LRP1B: variants seen among roughly 807,000 people sequenced by gnomAD.
The protein encoded by LRP1B is low-density lipoprotein receptor-related protein 1B.
In LRP1B, 217 loss-of-function variants were observed where a neutral mutation model predicts 556.6. That is an observed-to-expected ratio of 0.39 (90% CI 0.35 to 0.44). The LOEUF is 0.44. Among genes scored for constraint, LRP1B ranks in the 20% least tolerant of loss-of-function variants. LRP1B has a pLI of 1.00. For missense variants in LRP1B, 5,053 were observed against 5,620.8 expected, an observed-to-expected ratio of 0.90 and a Z score of 3.23; for synonymous variants, 2,047 against 1,865.8, an observed-to-expected ratio of 1.10 and a Z score of -2.50.
At chr2:141,406,998 T>G (rs551835979) in intron 3 of LRP1B, among the ~76,000 whole-genome samples, 12 of 152,238 alleles carry the variant, frequency 7.9e-5, no homozygotes, top group African/African-American at 2.6e-4. Context: ...GAAATCTTTT[T>G]CAAAAAGGAT....
chr2:142,015,200 A>G (rs1285368372), intron 1 of LRP1B, among the ~76,000 whole-genome samples: 1 of 152,116 alleles, frequency 6.6e-6, no homozygotes, highest in Non-Finnish European at 1.5e-5. Context: ...AAGAGTAAGT[A>G]TGTCCCATTG....
At chr2:140,372,016 A>G (rs1683021922) in intron 69 of LRP1B, among the ~76,000 whole-genome samples, 1 of 152,072 alleles carries the variant, frequency 6.6e-6, no homozygotes, top group Non-Finnish European at 1.5e-5. Flanking sequence ...TACCCAGTCT[A>G]ATTAATTGAC....
At chr2:140,814,286 C>T (rs1235347390) in intron 31 of LRP1B, among the ~76,000 whole-genome samples, 1 of 152,122 alleles carries the variant, frequency 6.6e-6, no homozygotes, top group South Asian at 2.1e-4. Flanking sequence ...CCAACATAAA[C>T]AGTTTCAACC....
intron 66 of LRP1B, among the ~76,000 whole-genome samples, chr2:140,414,083 C>T (rs1200653763): frequency 6.6e-6 from 1 of 152,014 alleles, no homozygotes; most frequent in Non-Finnish European, 1.5e-5. Context: ...TGTCCAGTTA[C>T]TGGTTTATTT....
chr2:141,360,196 C>T (rs188899557), intron 3 of LRP1B, among the ~76,000 whole-genome samples: 1 of 152,256 alleles, frequency 6.6e-6, no homozygotes, highest in African/African-American at 2.4e-5. Flanking sequence ...AGTATTTCAT[C>T]TCTGATGTGG....
intron 1 of LRP1B, among the ~76,000 whole-genome samples, chr2:142,006,261 A>G (rs1012093164): frequency 2.0e-5 from 3 of 152,192 alleles, no homozygotes; most frequent in Non-Finnish European, 4.4e-5. Context: ...CCAATTTAAC[A>G]TTAATTTTTA....
chr2:141,713,788 G>A (rs570809843), intron 2 of LRP1B, among the ~76,000 whole-genome samples: 5 of 152,040 alleles, frequency 3.3e-5, no homozygotes, highest in Non-Finnish European at 7.4e-5. Context: ...TGAATCTTTG[G>A]AAAATATTTG....
chr2:141,416,392 T>G (rs1329670046), intron 3 of LRP1B, among the ~76,000 whole-genome samples: 2 of 151,564 alleles, frequency 1.3e-5, no homozygotes, highest in Admixed American at 6.6e-5. Flanking sequence ...AGGCAAGACA[T>G]AAGCTGCTTA....
chr2:140,919,188 C>A (rs1259101849), intron 21 of LRP1B, among the ~76,000 whole-genome samples: 1 of 152,044 alleles, frequency 6.6e-6, no homozygotes, highest in Non-Finnish European at 1.5e-5. Flanking sequence ...TCTTGGATCA[C>A]AACCTTCATT....
chr2:140,642,437 T>G (rs557081606), intron 41 of LRP1B, among the ~76,000 whole-genome samples: 1 of 152,248 alleles, frequency 6.6e-6, no homozygotes, highest in South Asian at 2.1e-4. Context: ...TAAATAAAGA[T>G]GGGGTCCTGG....
At chr2:140,294,926 G>C (rs1040408528) in intron 84 of LRP1B, among the ~76,000 whole-genome samples, 1 of 152,166 alleles carries the variant, frequency 6.6e-6, no homozygotes, top group African/African-American at 2.4e-5. Context: ...CGCCAGGCTG[G>C]AGTGCAGTGG....
chr2:141,032,822 C>CATATATATATATATATAT lies in LRP1B; in HGVS notation c.1790-12721_1790-12720insATATATATATATATATAT, dbSNP rs1333410760. 6.2e-3 allele frequency among the ~76,000 whole-genome samples: 471 copies of CATATATATATATATATAT among 75,542 alleles called. 5 individuals are homozygous for CATATATATATATATATAT. Among genetic ancestry groups the CATATATATATATATATAT allele is most frequent in the Non-Finnish European group, 7.7e-3 (279 of 36,026 alleles). 49.6% of individuals were successfully genotyped at this position (75,542 alleles called of 152,430 possible). A position where few individuals can be genotyped will look rare whatever the true frequency, so the allele number is the denominator to read the frequency against. ...GTATATGTGTGTGTGTATATATATA[C>CATATATATATATATATAT]ATACATATATATATATATGCAGGCA... On this transcript the variant is annotated intron_variant, in intron 11 of 90. Transcript: ENST00000389484.
At chr2:141,933,109 T>C (rs1034257997) in intron 1 of LRP1B, among the ~76,000 whole-genome samples, 1 of 152,018 alleles carries the variant, frequency 6.6e-6, no homozygotes, top group Non-Finnish European at 1.5e-5. Context: ...ATATATCTTT[T>C]TAAAATCTAA....
chr2:140,352,167 T>A (rs1453538523), intron 76 of LRP1B, among the ~76,000 whole-genome samples: 1 of 152,068 alleles, frequency 6.6e-6, no homozygotes, highest in Non-Finnish European at 1.5e-5. Context: ...ATTTAATCTT[T>A]TTTTGTTTGT....
At chr2:140,859,248 C>A (rs1692714238) in intron 27 of LRP1B, among the ~76,000 whole-genome samples, 1 of 151,966 alleles carries the variant, frequency 6.6e-6, no homozygotes, top group Non-Finnish European at 1.5e-5. Context: ...AAAAAAAAAC[C>A]TTTTATTAAT....
chr2:141,973,594 G>A (rs1341293853), intron 1 of LRP1B, among the ~76,000 whole-genome samples: 1 of 151,794 alleles, frequency 6.6e-6, no homozygotes, highest in East Asian at 1.9e-4. Context: ...CAAAGATGAT[G>A]AAGACATTGA....
intron 41 of LRP1B, among the ~76,000 whole-genome samples, chr2:140,667,302 T>C (rs1252492836): frequency 6.6e-6 from 1 of 152,206 alleles, no homozygotes. Flanking sequence ...TATGATAACC[T>C]TTGCCTTGAT....
At chr2:140,739,353 G>C (rs1420154617) in intron 35 of LRP1B, among the ~76,000 whole-genome samples, 7 of 58,638 alleles carry the variant, frequency 1.2e-4, no homozygotes, top group Non-Finnish European at 2.8e-4. Flanking sequence ...TATGAACCCT[G>C]CAAAGAGTCA....
chr2:141,973,886 A>G (rs1701813043), intron 1 of LRP1B, among the ~76,000 whole-genome samples: 1 of 151,876 alleles, frequency 6.6e-6, no homozygotes, highest in Non-Finnish European at 1.5e-5. Flanking sequence ...TTATAAAACT[A>G]TTTACATACC....
Sources: gnomAD v4.1 joint callset for allele counts (sites outside exome capture counted in the v4.1 genomes callset) on GRCh38, gnomAD v4.1.1 for gene constraint, MANE v1.5 for transcripts, NCBI Gene and HGNC (gene_info 2026-07-23, HGNC 2026-07-21) for gene names.